The following ATP9B variants were observed in gnomAD, a reference collection of about 807,000 sequenced individuals.
ATP9B encodes ATPase phospholipid transporting 9B, also known as probable phospholipid-transporting ATPase IIB.
In ATP9B, 110 loss-of-function variants were observed where a neutral mutation model predicts 146.1. The ratio of observed to expected loss-of-function variants is 0.75; its 90% confidence interval spans 0.65 to 0.88. ATP9B has a LOEUF of 0.88. Among genes scored for constraint, ATP9B ranks in the 40% least tolerant of loss-of-function variants. The pLI, the probability that ATP9B is intolerant of heterozygous loss-of-function variation, is 0.00. For synonymous variants in ATP9B, 604 were observed against 569.7 expected, an observed-to-expected ratio of 1.06 and a Z score of -0.86; for missense variants, 1,499 against 1,496.4, an observed-to-expected ratio of 1.00 and a Z score of -0.03.
chr18:79,376,941 C>T lies in ATP9B; in HGVS notation c.3308-306C>T, dbSNP rs191891075. Reference sequence around the variant, plus strand: ...CTCGAACTCCTGACTTCAAGTGATCCGTCTGCCTTGGCCTCCCAAAAGTGC... The same window carrying T: ...CTCGAACTCCTGACTTCAAGTGATCTGTCTGCCTTGGCCTCCCAAAAGTGC... On this transcript the variant is annotated intron_variant, in intron 29 of 29. Coordinates refer to ENST00000426216, the MANE Select transcript of ATP9B (RefSeq NM_198531.5). Among the ~76,000 whole-genome samples, 63 of 152,250 alleles carry T rather than the reference C, an allele frequency of 4.1e-4. 1 individual carries two copies. Among genetic ancestry groups the T allele is most frequent in the Admixed American group, 9.2e-4 (14 of 15,290 alleles).
At chr18:79,159,318 A>G (rs1031029839) in intron 7 of ATP9B, among the ~76,000 whole-genome samples, 1 of 152,200 alleles carries the variant, frequency 6.6e-6, no homozygotes, top group African/African-American at 2.4e-5. Context: ...CTCCCCATCC[A>G]GATGAGCTCC....
At chr18:79,348,083 G>T (rs750625289) in intron 24 of ATP9B, 49 bp from the exon 25 acceptor site, 1 of 1,608,116 alleles carries the variant, frequency 6.2e-7, no homozygotes, top group Non-Finnish European at 8.5e-7. Flanking sequence ...TGGGGCCACA[G>T]GTGCTCGTGG....
chr18:79,341,418 C>T (rs2055898), intron 19 of ATP9B, among the ~76,000 whole-genome samples: 4,491 of 34,000 alleles, frequency 0.13, 174 homozygotes, highest in East Asian at 0.33. Context: ...TGCCGACACA[C>T]CATTTAGTTG....
chr18:79,272,575 C>T (rs887915565), intron 12 of ATP9B, among the ~76,000 whole-genome samples: 1 of 151,684 alleles, frequency 6.6e-6, no homozygotes, highest in African/African-American at 2.4e-5. Context: ...CGCTTCTCTC[C>T]CTGAGCTCTC....
At chr18:79,312,477 C>A (rs982229447) in intron 15 of ATP9B, among the ~76,000 whole-genome samples, 5 of 152,182 alleles carry the variant, frequency 3.3e-5, no homozygotes, top group South Asian at 2.1e-4. Flanking sequence ...ACCAGGGGTC[C>A]CCAGCTGCCC....
intron 26 of ATP9B, 136 bp from the exon 27 acceptor site, chr18:79,372,689 G>T: frequency 1.4e-6 from 1 of 724,544 alleles, no homozygotes; most frequent in South Asian, 1.5e-5. Context: ...AATGCTGGTA[G>T]ACCAGGTGGC....
At chr18:79,311,057 CAGG>C (rs1030636351) in intron 15 of ATP9B, among the ~76,000 whole-genome samples, 1 of 152,132 alleles carries the variant, frequency 6.6e-6, no homozygotes, top group African/African-American at 2.4e-5. Flanking sequence ...AAGACTGAGA[CAGG>C]AGAATTGCTT....
intron 23 of ATP9B, among the ~76,000 whole-genome samples, chr18:79,347,201 A>G (rs2096894563): frequency 6.6e-6 from 1 of 152,204 alleles, no homozygotes; most frequent in African/African-American, 2.4e-5. Context: ...CCTTCTCCAC[A>G]GTCACTTAAA....
At chr18:79,125,768 A>C (rs1178978668) in intron 4 of ATP9B, among the ~76,000 whole-genome samples, 1 of 152,188 alleles carries the variant, frequency 6.6e-6, no homozygotes, top group Non-Finnish European at 1.5e-5. Flanking sequence ...AAGCACTATA[A>C]TTGTTCATTC....
Position 79,345,853 on chromosome 18 carries a change from T to G in ATP9B, c.2682+14T>G, listed in dbSNP as rs752322881. ...ATTGAGGGAAAGGTAGGTTCGCCCTTTTATCAACACATTAGCACACAGTCA... is the reference window on the plus strand; with the variant it reads ...ATTGAGGGAAAGGTAGGTTCGCCCTGTTATCAACACATTAGCACACAGTCA... On this transcript the variant is annotated intron_variant, in intron 23 of 29. Transcript: ENST00000426216. 2 of 1,614,040 alleles carry G rather than the reference T, an allele frequency of 1.2e-6. No individual in the cohort carries two copies. The highest frequency in any genetic ancestry group is 2.2e-5 in the South Asian group (2 of 91,088).
At chr18:79,169,563 C>T (rs2095038224) in intron 7 of ATP9B, among the ~76,000 whole-genome samples, 1 of 152,150 alleles carries the variant, frequency 6.6e-6, no homozygotes, top group South Asian at 2.1e-4. Flanking sequence ...ATAAAGTCTC[C>T]ATTTGCTTTC....
At chr18:79,200,788 T>TGGGGACTGTCAG (rs370231088) in intron 9 of ATP9B, among the ~76,000 whole-genome samples, 2 of 35,458 alleles carry the variant, frequency 5.6e-5, no homozygotes, top group African/African-American at 2.4e-4. Context: ...GAAGTAGTGG[T>TGGGGACTGTCAG]GGAATTGTTT....
At position 79,377,306 on chromosome 18, in the gene ATP9B, A is replaced by G. The variant is rs751651008; in HGVS notation, c.3367A>G (p.Ser1123Gly). The change falls in exon 30 of 30, where the codon AGC becomes GGC. Residue 1123 changes from serine to glycine, a missense_variant. By Grantham distance (56) the Ser-to-Gly change is moderately conservative. Coordinates refer to ENST00000426216, the MANE Select transcript of ATP9B (RefSeq NM_198531.5). Reference protein sequence around the residue: ...LWKVSAITVVSCLPLYVLKYL... With the variant: ...LWKVSAITVVGCLPLYVLKYL... ...GAAAGTGTCGGCGATCACCGTGGTCAGCTGCCTCCCGCTGTATGTCCTCAA... is the reference window on the plus strand; with the variant it reads ...GAAAGTGTCGGCGATCACCGTGGTCGGCTGCCTCCCGCTGTATGTCCTCAA... 6.2e-7 allele frequency: 1 copy of G among 1,612,438 alleles called. No homozygotes were observed. Among genetic ancestry groups the G allele is most frequent in the Non-Finnish European group, 8.5e-7 (1 of 1,180,002 alleles).
chr18:79,189,668 T>A (rs192009214), intron 8 of ATP9B, among the ~76,000 whole-genome samples: 4,837 of 151,448 alleles, frequency 0.032, 115 homozygotes, highest in Non-Finnish European at 0.042. Context: ...TATAGTACAG[T>A]ACTGTATTTT....
At chr18:79,180,069 A>G (rs553661164) in intron 8 of ATP9B, among the ~76,000 whole-genome samples, 32 of 152,228 alleles carry the variant, frequency 2.1e-4, no homozygotes, top group African/African-American at 7.5e-4. Context: ...CTTTACTATT[A>G]TAGTAATTTC....
Position 79,307,254 on chromosome 18 carries a change from C to A in ATP9B, c.1773+20C>A. 6.2e-7 allele frequency: 1 copy of A among 1,613,766 alleles called. No homozygotes were observed. Among genetic ancestry groups the A allele is most frequent in the South Asian group, 1.1e-5 (1 of 91,032 alleles). ...GATGAGGTCAGTCAAAGCACAAAAC[C>A]GTGGGAGCTTGTCCGTTCCATTTGG... is the stretch of plus-strand genomic sequence containing the variant. On this transcript the variant is annotated intron_variant, in intron 15 of 29. Coordinates refer to ENST00000426216, the MANE Select transcript of ATP9B (RefSeq NM_198531.5).
intron 12 of ATP9B, among the ~76,000 whole-genome samples, chr18:79,268,569 T>A (rs1363188566): frequency 1.3e-5 from 2 of 152,192 alleles, no homozygotes; most frequent in Admixed American, 1.3e-4. Flanking sequence ...AAAAGTCAGT[T>A]CCCTTAAGCA....
chr18:79,167,183 G>A (rs929939020), intron 7 of ATP9B, among the ~76,000 whole-genome samples: 1 of 152,174 alleles, frequency 6.6e-6, no homozygotes, highest in African/African-American at 2.4e-5. Flanking sequence ...TTGCAATAAG[G>A]CGAATGGCAG....
chr18:79,093,395 A>G (rs545189441), intron 1 of ATP9B, among the ~76,000 whole-genome samples: 5 of 152,300 alleles, frequency 3.3e-5, no homozygotes, highest in Non-Finnish European at 5.9e-5. Context: ...GTTTTTCTCC[A>G]TGAGAAATCT....
Sources: gnomAD v4.1 joint callset for allele counts (sites outside exome capture counted in the v4.1 genomes callset) on GRCh38, gnomAD v4.1.1 for gene constraint, MANE v1.5 for transcripts, NCBI Gene and HGNC (gene_info 2026-07-23, HGNC 2026-07-21) for gene names.